Variants in HTR3A observed in about 807,000 individuals in gnomAD.
The protein encoded by HTR3A is 5-hydroxytryptamine receptor 3A.
Under a neutral mutation model 54.8 loss-of-function variants are expected in HTR3A, and 45 were observed. The observed-to-expected ratio is 0.82, with a 90% CI of 0.65 to 1.05. HTR3A has a LOEUF of 1.05. Ranked by LOEUF, HTR3A falls within the 50% of genes least tolerant of loss-of-function variation. HTR3A has a pLI of 0.00. For missense variants in HTR3A, 657 were observed against 614.0 expected (o/e 1.07, Z -0.74); for synonymous variants, 297 against 256.0 (o/e 1.16, Z -1.53).
Position 113,979,257 on chromosome 11 carries a change from A to T in HTR3A, c.244A>T (p.Thr82Ser). 6.2e-7 allele frequency: 1 copy of T among 1,612,536 alleles called. No individual in the cohort carries two copies. The highest frequency in any genetic ancestry group is 8.5e-7 in the Non-Finnish European group (1 of 1,179,722). Residue 82 changes from threonine (T) to serine (S), a missense_variant, in exon 3 of 9, where the codon ACC becomes TCC. Coordinates refer to ENST00000504030, the MANE Select transcript of HTR3A (RefSeq NM_000869.6). ...NVDEKNQVLT[T>S]YIWYRQYWTD... is the part of the protein sequence containing the mutation. ...GGATGAGAAGAATCAGGTGCTGACC[A>T]CCTACATCTGGTACCGGCAGGTGAG...
chr11:113,986,921 C>T lies in HTR3A; in HGVS notation c.1013C>T (p.Pro338Leu), dbSNP rs746623717. The change falls in exon 8 of 9, where the codon CCC (proline) becomes CTC (leucine). Residue 338 changes from proline (P) to leucine (L), a missense_variant. Physicochemically the swap from Pro to Leu is moderately conservative, Grantham distance 98. Transcript: ENST00000504030. ...RLVHKQDLQQ[P>L]VPAWLRHLVL... ...GTGCACAAGCAAGACCTGCAGCAGCCCGTGCCTGCTTGGCTGCGTCACCTG... is the reference window on the plus strand; with the variant it reads ...GTGCACAAGCAAGACCTGCAGCAGCTCGTGCCTGCTTGGCTGCGTCACCTG... 1.2e-6 allele frequency: 2 copies of T among 1,614,050 alleles called. No homozygotes were observed. The highest frequency in any genetic ancestry group is 1.6e-4 in the Middle Eastern group (1 of 6,084).
chr11:113,975,520 A>G (rs889653255), intron 1 of HTR3A, 128 bp downstream of exon 1: 34 of 748,758 alleles, frequency 4.5e-5, no homozygotes, highest in African/African-American at 4.1e-4. Context: ...AAGGTCAGCT[A>G]TCTTACCACC....
rs1032391336 is a variant in HTR3A, at chr11:113,979,332, G to C, written c.264+55G>C. The C allele has an allele frequency of 9.1e-6, 13 of 1,425,106 alleles. No homozygotes were observed. In the Admixed American group the frequency reaches 2.2e-4, roughly 24 times the overall value. The allele number at this position is 1,425,106 out of a possible 1,614,324, so 88.3% of individuals were successfully genotyped here. A position where few individuals can be genotyped will look rare whatever the true frequency, so the allele number is the denominator to read the frequency against. On this transcript the variant is annotated intron_variant, in intron 3 of 8. Coordinates refer to ENST00000504030, the MANE Select transcript of HTR3A (RefSeq NM_000869.6). ...TTACCCATCCTCCTGGGAAGGAGTC[G>C]GGAATTCGGGAGTTTCAGTGGCCTT...
chr11:113,986,574 C>T lies in HTR3A; in HGVS notation c.762C>T (p.Ile254=). Residue 254 remains isoleucine, a synonymous_variant, in exon 7 of 9, where the codon ATC becomes ATT. Coordinates refer to ENST00000504030, the MANE Select transcript of HTR3A (RefSeq NM_000869.6). ...FYVVSLLLPS[I]FLMVMDIVGF... ...TGGTCAGCCTGCTACTGCCCAGCATCTTCCTCATGGTCATGGACATCGTGG... is the reference window on the plus strand; with the variant it reads ...TGGTCAGCCTGCTACTGCCCAGCATTTTCCTCATGGTCATGGACATCGTGG... 6.2e-7 allele frequency: 1 copy of T among 1,613,454 alleles called. No individual in the cohort carries two copies. The highest frequency in any genetic ancestry group is 8.5e-7 in the Non-Finnish European group (1 of 1,180,024).
chr11:113,989,118 G>A lies in HTR3A; in HGVS notation c.1139-347G>A, dbSNP rs1365390730. Among the ~76,000 whole-genome samples the A allele has an allele frequency of 6.6e-5, 10 of 151,982 alleles. No homozygotes were observed. The highest frequency in any genetic ancestry group is 5.2e-4 in the Admixed American group (8 of 15,258). ...CTCACACCTGTAATCCCAGCACCAC[G>A]GGAGGCCAAAGTAGGCGGATCACTT... is the stretch of plus-strand genomic sequence containing the variant. On this transcript the variant is annotated intron_variant, in intron 8 of 8. Coordinates refer to ENST00000504030, the MANE Select transcript of HTR3A (RefSeq NM_000869.6). This position sits in a 1 kb window ranked among gnomAD's most constrained non-coding sequence, Gnocchi z 4.4.
chr11:113,975,113 A>G lies in HTR3A; in HGVS notation c.-213A>G, dbSNP rs972433020. 2.9e-6 allele frequency: 2 copies of G among 696,884 alleles called. No individual in the cohort carries two copies. The highest frequency in any genetic ancestry group is 1.5e-5 in the South Asian group (1 of 66,642). 43.2% of individuals were successfully genotyped at this position (696,884 alleles called of 1,614,324 possible). A position where few individuals can be genotyped will look rare whatever the true frequency, so the allele number is the denominator to read the frequency against. On this transcript the variant is annotated 5_prime_UTR_variant, in exon 1 of 9. An upstream start codon of the reference 5' UTR is lost. Transcript: ENST00000504030. ...CCTCCCCTTTCCTCCCGCCTGAAAC[A>G]TGATCCAGCTGAAGGACTGATTGCA...
At chr11:113,982,742 T>C (rs1397970508) in intron 4 of HTR3A, among the ~76,000 whole-genome samples, 4 of 152,248 alleles carry the variant, frequency 2.6e-5, no homozygotes, top group African/African-American at 9.6e-5. Context: ...CAAGCCTGCC[T>C]GGTCCCGCAG....
Position 113,989,340 on chromosome 11 carries a change from G to A in HTR3A, c.1139-125G>A, listed in dbSNP as rs1950524973. The A allele has an allele frequency of 2.8e-6, 3 of 1,054,106 alleles. No individual in the cohort carries two copies. Among genetic ancestry groups the A allele is most frequent in the South Asian group, 1.3e-5 (1 of 77,902 alleles). The allele number at this position is 1,054,106 out of a possible 1,614,324, so 65.3% of individuals were successfully genotyped here. ...ATCACACCACTGCCCTCCAGCCTGGGTGACAGAGTGAGAAAAAAAAAGTTA... is the reference window on the plus strand; with the variant it reads ...ATCACACCACTGCCCTCCAGCCTGGATGACAGAGTGAGAAAAAAAAAGTTA... On this transcript the variant is annotated intron_variant, in intron 8 of 8. Coordinates refer to ENST00000504030, the MANE Select transcript of HTR3A (RefSeq NM_000869.6). The surrounding 1 kb of genome is among the most constrained non-coding windows in gnomAD (Gnocchi z 4.4).
rs181489539 is a variant in HTR3A at position 113,983,324 on chromosome 11, G to C, written c.544+35G>C. 6 of 1,611,882 alleles carry C rather than the reference G, an allele frequency of 3.7e-6. No individual in the cohort carries two copies. The East Asian group carries it at 1.3e-4, about 36-fold the overall frequency. ...TGGGCTTCGCCGGGACAGGGGTGGA[G>C]GTTGGGGGACCCCAGGGACACCTGA... On this transcript the variant is annotated intron_variant, in intron 5 of 8. Transcript: ENST00000504030.
At position 113,975,404 on chromosome 11, in the gene HTR3A, T is replaced by TC. The variant is rs1950340272; in HGVS notation, c.67+13dup. 6.2e-7 allele frequency: 1 copy of TC among 1,608,574 alleles called. No homozygotes were observed. Among genetic ancestry groups the TC allele is most frequent in the African/African-American group, 1.3e-5 (1 of 74,822 alleles). On this transcript the variant is annotated intron_variant, in intron 1 of 8. Transcript: ENST00000504030. ...GGCACAGGGAGAAGGTAAGCAGACT[T>TC]CGGGAAGCAGCAGGACTTGGCTGAC...
At chr11:113,988,789 A>G (rs1395563460) in intron 8 of HTR3A, among the ~76,000 whole-genome samples, 1 of 152,032 alleles carries the variant, frequency 6.6e-6, no homozygotes, top group Admixed American at 6.6e-5. Flanking sequence ...CAAACAAACA[A>G]ACAAACAAAC....
At chr11:113,986,347 A>G (rs1263161281) in intron 6 of HTR3A, among the ~76,000 whole-genome samples, 171 bp from the exon 7 acceptor site, 5 of 152,194 alleles carry the variant, frequency 3.3e-5, no homozygotes, top group Non-Finnish European at 5.9e-5. Context: ...TACTTATTCT[A>G]AACAGCCATA....
chr11:113,981,807 A>G (rs554712688), intron 4 of HTR3A, among the ~76,000 whole-genome samples: 1 of 152,024 alleles, frequency 6.6e-6, no homozygotes, highest in East Asian at 1.9e-4. Context: ...AAAATACAAA[A>G]ATTAGCCAGG....
rs530869059 is a variant in HTR3A, at chr11:113,979,102, G to A, written c.220-131G>A. The A allele has an allele frequency of 1.4e-4, 109 of 755,482 alleles. 1 individual carries two copies. The highest frequency in any genetic ancestry group is 2.3e-4 in the Non-Finnish European group (98 of 422,730). 46.8% of individuals were successfully genotyped at this position (755,482 alleles called of 1,614,324 possible). A position where few individuals can be genotyped will look rare whatever the true frequency, so the allele number is the denominator to read the frequency against. ...CCAGTCTATCTACTTTCCCGACCCC[G>A]GCCCCTGCTCTTCACTTTCACTTCC... On this transcript the variant is annotated intron_variant, in intron 2 of 8. Coordinates refer to ENST00000504030, the MANE Select transcript of HTR3A (RefSeq NM_000869.6).
intron 1 of HTR3A, among the ~76,000 whole-genome samples, chr11:113,976,201 G>A (rs562443975): frequency 1.1e-4 from 17 of 152,290 alleles, no homozygotes; most frequent in South Asian, 4.2e-4. Context: ...GGGAGCGGTC[G>A]TTTGGGAGTG....
Position 113,986,691 on chromosome 11 carries a change from C to T in HTR3A, c.879C>T (p.Asp293=). 1 of 1,614,198 alleles carries T rather than the reference C, an allele frequency of 6.2e-7. No homozygotes were observed. Among genetic ancestry groups the T allele is most frequent in the South Asian group, 1.1e-5 (1 of 91,084 alleles). The change falls in exon 7 of 9, where the codon GAC becomes GAT. Residue 293 remains aspartate, a synonymous_variant. Transcript: ENST00000504030. ...GYSVFLIIVS[D]TLPATAIGTP... ...CGGTCTTCCTGATCATCGTTTCTGA[C>T]ACGCTGCCGGCCACTGCCATCGGCA...
At chr11:113,983,873 T>G (rs532773983) in intron 5 of HTR3A, among the ~76,000 whole-genome samples, 7 of 152,248 alleles carry the variant, frequency 4.6e-5, no homozygotes, top group Admixed American at 2.6e-4. Context: ...GAGATTTTAG[T>G]AAAATGCGAA....
chr11:113,984,590 A>C (rs1280279212), intron 5 of HTR3A, among the ~76,000 whole-genome samples: 2 of 152,216 alleles, frequency 1.3e-5, no homozygotes, highest in Non-Finnish European at 2.9e-5. Flanking sequence ...GGCTTGCCAG[A>C]GGGCTGGTGA....
chr11:113,985,951 A>C, intron 5 of HTR3A, 64 bp from the exon 6 acceptor site: 1 of 1,576,022 alleles, frequency 6.3e-7, no homozygotes, highest in Non-Finnish European at 8.7e-7. Context: ...GTGTCCCATC[A>C]TCACAGGGTC....
Sources: gnomAD v4.1 joint callset for allele counts (sites outside exome capture counted in the v4.1 genomes callset) on GRCh38, gnomAD v4.1.1 for gene constraint, Gnocchi (gnomAD v3.1) non-coding constraint, MANE v1.5 for transcripts, NCBI Gene and HGNC (gene_info 2026-07-23, HGNC 2026-07-21) for gene names.